Variants in SLC44A5 observed in about 807,000 individuals in gnomAD.
SLC44A5 encodes solute carrier family 44 member 5, also known as choline transporter-like protein 5.
In SLC44A5, 57 loss-of-function variants were observed where a neutral mutation model predicts 101.8. That is an observed-to-expected ratio of 0.56 (90% CI 0.45 to 0.70). The LOEUF is 0.70. Ranked by LOEUF, SLC44A5 falls within the 30% of genes least tolerant of loss-of-function variation. SLC44A5 has a pLI of 0.00. For missense variants in SLC44A5, 737 were observed against 853.1 expected (o/e 0.86, Z 1.70); for synonymous variants, 281 against 290.9 (o/e 0.97, Z 0.35).
the SLC44A5 span, among the ~76,000 whole-genome samples, chr1:75,716,280 A>G: frequency 6.6e-6 from 1 of 152,030 alleles, no homozygotes; most frequent in African/African-American, 2.4e-5. Flanking sequence ...AGAGTTAGAG[A>G]CCAGCCTGGG....
intron 2 of SLC44A5, among the ~76,000 whole-genome samples, chr1:75,412,048 C>G (rs1239166287): frequency 6.6e-6 from 1 of 151,938 alleles, no homozygotes; most frequent in Non-Finnish European, 1.5e-5. Flanking sequence ...CTAATTAAAC[C>G]AAGCAGATTT....
chr1:75,347,390 C>T (rs900895254), intron 3 of SLC44A5, among the ~76,000 whole-genome samples: 5 of 152,138 alleles, frequency 3.3e-5, no homozygotes, highest in African/African-American at 1.2e-4. Context: ...TGCACAATTT[C>T]TACCCACAAT....
chr1:75,610,878 G>A (rs886659814), intron 1 of SLC44A5, among the ~76,000 whole-genome samples, 162 bp downstream of exon 1: 9 of 151,582 alleles, frequency 5.9e-5, no homozygotes, highest in Admixed American at 1.3e-4. Context: ...ACACACACAC[G>A]GAGAGGAAGT....
At chr1:75,271,480 A>C (rs1333911286) in intron 6 of SLC44A5, among the ~76,000 whole-genome samples, 1 of 123,838 alleles carries the variant, frequency 8.1e-6, no homozygotes, top group African/African-American at 3.2e-5. Context: ...TAAGTCCATT[A>C]TATCACTCTG....
At chr1:75,309,539 AAAG>A (rs1655148778) in intron 4 of SLC44A5, among the ~76,000 whole-genome samples, 1 of 152,264 alleles carries the variant, frequency 6.6e-6, no homozygotes, top group Middle Eastern at 3.2e-3. Flanking sequence ...TCCTCAAAGA[AAAG>A]CAGTAAATAC....
Position 75,271,974 on chromosome 1 carries a change from A to G in SLC44A5, c.260+2984T>C, listed in dbSNP as rs532961945. Among the ~76,000 whole-genome samples, 32 of 152,228 alleles carry G rather than the reference A, an allele frequency of 2.1e-4. 1 individual carries two copies. Among genetic ancestry groups the G allele is most frequent in the African/African-American group, 6.7e-4 (28 of 41,564 alleles). On this transcript the variant is annotated intron_variant, in intron 6 of 23. Transcript: ENST00000370859. ...CCCTTTTCACCACATACATGCCAACATCTATTGTTTTTTGACTTTTAATTA... is the reference window on the plus strand; with the variant it reads ...CCCTTTTCACCACATACATGCCAACGTCTATTGTTTTTTGACTTTTAATTA...
chr1:75,300,175 T>A (rs1459607751), intron 5 of SLC44A5, among the ~76,000 whole-genome samples: 1 of 152,154 alleles, frequency 6.6e-6, no homozygotes, highest in Non-Finnish European at 1.5e-5. Context: ...TGTATGTCAA[T>A]GAATTATCTG....
intron 2 of SLC44A5, among the ~76,000 whole-genome samples, chr1:75,517,010 A>G (rs551892013): frequency 6.6e-6 from 1 of 152,282 alleles, no homozygotes; most frequent in South Asian, 2.1e-4. Flanking sequence ...GTCTTCCTTC[A>G]AAACAATGAT....
the SLC44A5 span, among the ~76,000 whole-genome samples, chr1:75,618,793 G>A: frequency 5.3e-4 from 81 of 152,238 alleles, no homozygotes; most frequent in Non-Finnish European, 1.1e-3. Context: ...ATAAAAGGCT[G>A]GGCATGGTGG....
At chr1:75,294,106 A>T (rs1653779681) in intron 5 of SLC44A5, among the ~76,000 whole-genome samples, 1 of 152,324 alleles carries the variant, frequency 6.6e-6, no homozygotes, top group Admixed American at 6.5e-5. Context: ...TTTAATTGGG[A>T]GATATGATTT....
chr1:75,512,146 C>T (rs1198761124), intron 2 of SLC44A5, among the ~76,000 whole-genome samples: 1 of 152,022 alleles, frequency 6.6e-6, no homozygotes, highest in East Asian at 1.9e-4. Flanking sequence ...GGATTTCTCC[C>T]TAAATATATA....
the SLC44A5 span, among the ~76,000 whole-genome samples, chr1:75,645,872 C>T: frequency 5.9e-5 from 8 of 136,034 alleles, no homozygotes; most frequent in Non-Finnish European, 1.3e-4. Flanking sequence ...TTCCCAACAC[C>T]ATTTGTTAAA....
At chr1:75,585,659 T>C (rs1466967304) in intron 1 of SLC44A5, among the ~76,000 whole-genome samples, 1 of 152,238 alleles carries the variant, frequency 6.6e-6, no homozygotes, top group African/African-American at 2.4e-5. Context: ...GCATTTCATG[T>C]ATTAGCACAT....
At chr1:75,514,006 T>C (rs542869457) in intron 2 of SLC44A5, among the ~76,000 whole-genome samples, 1 of 152,264 alleles carries the variant, frequency 6.6e-6, no homozygotes, top group Admixed American at 6.5e-5. Flanking sequence ...AGCTGGCTAA[T>C]TTAAAAAAAA....
chr1:75,311,211 G>A (rs1024495152), intron 4 of SLC44A5, among the ~76,000 whole-genome samples: 1 of 151,808 alleles, frequency 6.6e-6, no homozygotes, highest in Admixed American at 6.6e-5. Context: ...CCGTTTCCCA[G>A]GTTCAAGCGA....
chr1:75,365,083 C>T (rs1049968847), intron 3 of SLC44A5, among the ~76,000 whole-genome samples: 20 of 151,964 alleles, frequency 1.3e-4, no homozygotes, highest in East Asian at 3.8e-4. Flanking sequence ...TATGTGGTTC[C>T]GTTGTCCTTT....
intron 2 of SLC44A5, among the ~76,000 whole-genome samples, chr1:75,531,701 C>T (rs1670729971): frequency 6.6e-6 from 1 of 152,152 alleles, no homozygotes; most frequent in African/African-American, 2.4e-5. Flanking sequence ...TTTATCTTAC[C>T]ATCCTTAGTA....
At chr1:75,592,005 A>G (rs1175109852) in intron 1 of SLC44A5, among the ~76,000 whole-genome samples, 1 of 152,190 alleles carries the variant, frequency 6.6e-6, no homozygotes, top group Non-Finnish European at 1.5e-5. Context: ...CTGTTATTCA[A>G]CATAGTACTG....
chr1:75,394,302 CTG>C (rs1351461166), intron 3 of SLC44A5, among the ~76,000 whole-genome samples: 1 of 152,168 alleles, frequency 6.6e-6, no homozygotes, highest in Non-Finnish European at 1.5e-5. Flanking sequence ...TGATAAAAAA[CTG>C]TTTCATGAAG....
Sources: allele counts gnomAD v4.1 joint callset (sites outside exome capture counted in the v4.1 genomes callset), GRCh38; gene constraint gnomAD v4.1.1; transcripts MANE v1.5; gene names NCBI Gene and HGNC (gene_info 2026-07-23, HGNC 2026-07-21).